The following EIF4ENIF1 variants were observed in gnomAD, a reference collection of about 807,000 sequenced individuals.
EIF4ENIF1 encodes eukaryotic translation initiation factor 4E nuclear import factor 1, also known as eukaryotic translation initiation factor 4E transporter.
In EIF4ENIF1, 23 loss-of-function variants were observed where a neutral mutation model predicts 110.5. The ratio of observed to expected loss-of-function variants is 0.21; its 90% CI spans 0.15 to 0.29. EIF4ENIF1 has a LOEUF of 0.29. EIF4ENIF1 is among the 10% of genes least tolerant of loss of function. The pLI, the probability that EIF4ENIF1 is intolerant of heterozygous loss-of-function variation, is 1.00. For synonymous variants in EIF4ENIF1, 440 were observed against 437.0 expected (o/e 1.01, Z -0.09); for missense variants, 1,031 against 1,221.1 (o/e 0.84, Z 2.32).
Position 31,476,636 on chromosome 22 carries a change from T to C in EIF4ENIF1, c.97-4719A>G, listed in dbSNP as rs532072742. Among the ~76,000 whole-genome samples, 65 of 152,224 alleles carry C rather than the reference T, an allele frequency of 4.3e-4. 1 individual carries two copies. The Middle Eastern group carries it at 0.014, about 32-fold the overall frequency. On this transcript the variant is annotated intron_variant, in intron 2 of 18. Transcript: ENST00000330125. ...TGGGCTGGGCACGGTGGCTCACACA[T>C]GTAATCACAGCACTTTGGGAGGCCA...
At chr22:31,442,851 T>C (rs1287509293) in intron 16 of EIF4ENIF1, 111 bp downstream of exon 16, 24 of 1,375,248 alleles carry the variant, frequency 1.7e-5, no homozygotes, top group Non-Finnish European at 2.4e-5. Flanking sequence ...CCAGAGAAGC[T>C]AGTGGTCTTG....
chr22:31,482,362 A>G lies in EIF4ENIF1; in HGVS notation c.96+6261T>C, dbSNP rs150738557. 9.4e-3 allele frequency among the ~76,000 whole-genome samples: 1,434 copies of G among 152,306 alleles called. 74 individuals carry two copies. Among genetic ancestry groups the G allele is most frequent in the Admixed American group, 0.083 (1,275 of 15,276 alleles). On this transcript the variant is annotated intron_variant, in intron 2 of 18. Coordinates refer to ENST00000330125, the MANE Select transcript of EIF4ENIF1 (RefSeq NM_019843.4). Reference sequence around the variant, plus strand: ...CAAAACACAGGAGCAAAGGAAGAACAGCATAACGTATGTATCCTTTATAAG... The same window carrying G: ...CAAAACACAGGAGCAAAGGAAGAACGGCATAACGTATGTATCCTTTATAAG...
chr22:31,467,113 C>T (rs926594763), intron 4 of EIF4ENIF1, among the ~76,000 whole-genome samples: 3 of 152,160 alleles, frequency 2.0e-5, no homozygotes, highest in African/African-American at 2.4e-5. Context: ...TATGGATACA[C>T]CGAAGTTTAC....
chr22:31,449,742 T>TC (rs1298312551), intron 11 of EIF4ENIF1, among the ~76,000 whole-genome samples: 2 of 151,802 alleles, frequency 1.3e-5, no homozygotes, highest in Non-Finnish European at 2.9e-5. Flanking sequence ...TCCTTTTTTT[T>TC]TTTTTTGAGA....
At chr22:31,454,555 G>C (rs1384547280) in intron 9 of EIF4ENIF1, 179 bp from the exon 10 acceptor site, 1 of 610,772 alleles carries the variant, frequency 1.6e-6, no homozygotes, top group African/African-American at 1.9e-5. Context: ...TGTACTAAGA[G>C]ATGGCATAAA....
chr22:31,443,243 G>T, intron 15 of EIF4ENIF1, 149 bp from the exon 16 acceptor site: 1 of 1,152,732 alleles, frequency 8.7e-7, no homozygotes, highest in Non-Finnish European at 1.2e-6. Context: ...GCTGCTGGAG[G>T]AAAAACAGAA....
chr22:31,492,126 G>T (rs957060844), upstream of EIF4ENIF1, among the ~76,000 whole-genome samples: 3 of 152,138 alleles, frequency 2.0e-5, no homozygotes, highest in African/African-American at 7.2e-5. Context: ...CTTACACATG[G>T]CCTCTCCCTG....
At chr22:31,450,716 G>A in intron 10 of EIF4ENIF1, 1 of 180,158 alleles carries the variant, frequency 5.6e-6, no homozygotes, top group South Asian at 4.0e-5. Flanking sequence ...AAGATTTATT[G>A]GAGACACACA....
intron 2 of EIF4ENIF1, among the ~76,000 whole-genome samples, chr22:31,473,349 G>GT (rs906519065): frequency 3.3e-5 from 5 of 151,970 alleles, no homozygotes; most frequent in African/African-American, 9.6e-5. Flanking sequence ...AGAACTGCCA[G>GT]TTTTTTTTAT....
Sources: allele counts gnomAD v4.1 joint callset (sites outside exome capture counted in the v4.1 genomes callset), GRCh38; gene constraint gnomAD v4.1.1; transcripts MANE v1.5; gene names NCBI Gene and HGNC (gene_info 2026-07-23, HGNC 2026-07-21).